The following SLPI variants were observed in gnomAD, a reference collection of about 807,000 sequenced individuals.
The protein encoded by SLPI is antileukoproteinase.
In SLPI, 20 loss-of-function variants were observed where a neutral mutation model predicts 14.3. That is an observed-to-expected ratio of 1.40 (90% CI 0.99 to 2.04). SLPI has a LOEUF of 2.04. Ranked by LOEUF, SLPI falls within the 30% of genes most tolerant of loss-of-function variation. The pLI is 0.00. For synonymous variants in SLPI, 68 were observed against 54.8 expected, an observed-to-expected ratio of 1.24 and a Z score of -1.07; for missense variants, 169 against 159.4, an observed-to-expected ratio of 1.06 and a Z score of -0.32.
intron 2 of SLPI, among the ~76,000 whole-genome samples, chr20:45,253,364 C>A (rs1984721848): frequency 6.6e-6 from 1 of 152,202 alleles, no homozygotes; most frequent in African/African-American, 2.4e-5. Flanking sequence ...GGTGGCCAGC[C>A]ACCCAGTGCT....
At chr20:45,252,908 G>A (rs1342847692) in intron 3 of SLPI, 94 bp downstream of exon 3, 7 of 1,360,842 alleles carry the variant, frequency 5.1e-6, no homozygotes, top group Non-Finnish European at 7.2e-6. Context: ...TTGGAGTAGG[G>A]TTCAGGAGTC....
At chr20:45,252,889 A>G in intron 3 of SLPI, 113 bp downstream of exon 3, 1 of 1,115,346 alleles carries the variant, frequency 9.0e-7, no homozygotes, top group Non-Finnish European at 1.3e-6. Flanking sequence ...AGTCAGACAG[A>G]GGCTGTGCTT....
At chr20:45,253,240 C>G in intron 2 of SLPI, 89 bp from the exon 3 acceptor site, 1 of 1,485,640 alleles carries the variant, frequency 6.7e-7, no homozygotes, top group Non-Finnish European at 9.1e-7. Flanking sequence ...CCTGCTCCAG[C>G]TTCAGCAGGG....
rs111623361 is a variant in SLPI at position 45,253,574 on chromosome 20, C to G, written c.244+1G>C. 2 of 1,613,234 alleles carry G rather than the reference C, an allele frequency of 1.2e-6. No homozygotes were observed. The highest frequency in any genetic ancestry group is 2.2e-5 in the South Asian group (2 of 90,900). ...TCTACCCAGTTCCCCGACCTGCTTA[C>G]TTGGGTTTGGGGTGTCAACAGGATC... On this transcript the variant is annotated splice_donor_variant, in intron 2 of 3. Coordinates refer to ENST00000338380, the MANE Select transcript of SLPI (RefSeq NM_003064.4). LOFTEE classifies it high-confidence loss of function.
intron 1 of SLPI, 24 bp downstream of exon 1, chr20:45,254,435 T>G: frequency 1.9e-6 from 3 of 1,608,488 alleles, no homozygotes; most frequent in Non-Finnish European, 2.6e-6. Context: ...CAGCCCAGAT[T>G]AGACCAGAGT....
At position 45,253,060 on chromosome 20, in the gene SLPI, C is replaced by T; in HGVS notation, c.336G>A (p.Lys112=). ...TGCCCATGCAACACTTCAAGTCACG[C>T]TTGCACTGGCCATCCATCTCACAGA... ...PNFCEMDGQC[K]RDLKCCMGMC... is the part of the protein sequence containing the mutation. The change falls in exon 3 of 4, where the codon AAG becomes AAA. Residue 112 remains lysine, a synonymous_variant. Transcript: ENST00000338380. 1 of 1,614,210 alleles carries T rather than the reference C, an allele frequency of 6.2e-7. No homozygotes were observed. The highest frequency in any genetic ancestry group is 1.1e-5 in the South Asian group (1 of 91,084).
At chr20:45,252,779 AC>A (rs1404770647) in intron 3 of SLPI, among the ~76,000 whole-genome samples, 2 of 152,002 alleles carry the variant, frequency 1.3e-5, no homozygotes, top group Non-Finnish European at 1.5e-5. Flanking sequence ...CTTGCCCAGG[AC>A]CCCCACCCAG....
At chr20:45,253,460 G>T in intron 2 of SLPI, 115 bp downstream of exon 2, 1 of 1,023,150 alleles carries the variant, frequency 9.8e-7, no homozygotes, top group Non-Finnish European at 1.4e-6. Context: ...TTAGGGCAGT[G>T]TGACTCACTG....
At chr20:45,252,578 C>G (rs576547237) in intron 3 of SLPI, among the ~76,000 whole-genome samples, 159 bp from the exon 4 acceptor site, 1 of 152,262 alleles carries the variant, frequency 6.6e-6, no homozygotes, top group South Asian at 2.1e-4. Flanking sequence ...TCATTTTCAC[C>G]GTAAAACTCT....
At position 45,252,312 on chromosome 20, in the gene SLPI, C is replaced by A. The variant is rs1017772985; in HGVS notation, c.*103G>T. 3.7e-5 allele frequency: 42 copies of A among 1,142,750 alleles called. No individual in the cohort carries two copies. Among genetic ancestry groups the A allele is most frequent in the Non-Finnish European group, 5.0e-5 (39 of 783,890 alleles). 70.8% of individuals were successfully genotyped at this position (1,142,750 alleles called of 1,614,324 possible). ...TCTTGAAAGCCTGCTGTGTGCCAAG[C>A]CTTTCCCCAAAGGAGGATATCAGTG... On this transcript the variant is annotated 3_prime_UTR_variant, in exon 4 of 4. Coordinates refer to ENST00000338380, the MANE Select transcript of SLPI (RefSeq NM_003064.4).
chr20:45,252,463 C>T (rs1984689276), intron 3 of SLPI, 44 bp from the exon 4 acceptor site: 1 of 1,609,164 alleles, frequency 6.2e-7, no homozygotes, highest in African/African-American at 1.3e-5. Flanking sequence ...AGAAACCAGC[C>T]AAATCATATC....
intron 3 of SLPI, 69 bp from the exon 4 acceptor site, chr20:45,252,488 T>C (rs1984690046): frequency 7.2e-6 from 11 of 1,530,074 alleles, no homozygotes; most frequent in Non-Finnish European, 9.9e-6. Flanking sequence ...TCCTTCCTCC[T>C]GCCCAAGGAT....
intron 2 of SLPI, among the ~76,000 whole-genome samples, 199 bp downstream of exon 2, chr20:45,253,376 A>G (rs1984722634): frequency 6.6e-6 from 1 of 152,120 alleles, no homozygotes; most frequent in South Asian, 2.1e-4. Context: ...CCCAGTGCTG[A>G]CTAGGTGGGA....
intron 2 of SLPI, 111 bp from the exon 3 acceptor site, chr20:45,253,262 C>A: frequency 1.6e-6 from 2 of 1,280,996 alleles, no homozygotes; most frequent in Non-Finnish European, 2.2e-6. Flanking sequence ...GGATCATCCC[C>A]TCCCCACCTC....
At chr20:45,253,818 G>A in intron 1 of SLPI, 85 bp from the exon 2 acceptor site, 2 of 1,287,340 alleles carry the variant, frequency 1.6e-6, no homozygotes, top group Admixed American at 2.0e-5. Flanking sequence ...CACTTTTGAG[G>A]GGGAGAGACC....
In SLPI at chr20:45,253,743, A is replaced by AGAGGCTTTT. The variant is rs1468566453; in HGVS notation, c.86-11_86-10insAAAAGCCTC. ...ACTCCAGCTTTGAAGGCTTTTGAAG[A>AGAGGCTTTT]GAAAGTCAAGAGGTCAGGAGGAGGC... On this transcript the variant is annotated splice_polypyrimidine_tract_variant and intron_variant, in intron 1 of 3. Coordinates refer to ENST00000338380, the MANE Select transcript of SLPI (RefSeq NM_003064.4). 16 of 1,612,592 alleles carry AGAGGCTTTT rather than the reference A, an allele frequency of 9.9e-6. No homozygotes were observed. Among genetic ancestry groups the AGAGGCTTTT allele is most frequent in the Non-Finnish European group, 1.4e-5 (16 of 1,179,156 alleles).
intron 3 of SLPI, 118 bp from the exon 4 acceptor site, chr20:45,252,537 T>A: frequency 9.7e-7 from 1 of 1,029,892 alleles, no homozygotes; most frequent in East Asian, 2.5e-5. Flanking sequence ...AGCGCTATAG[T>A]TGAGAGAGAC....
At chr20:45,253,486 G>T in intron 2 of SLPI, 89 bp downstream of exon 2, 1 of 1,261,788 alleles carries the variant, frequency 7.9e-7, no homozygotes, top group Non-Finnish European at 1.1e-6. Flanking sequence ...TTGACAAGGA[G>T]GCCTGGCAGG....
Position 45,254,484 on chromosome 20 carries a change from AG to A in SLPI, c.59del (p.Pro20LeufsTer72). On this transcript the variant is annotated frameshift_variant, in exon 1 of 4. Coordinates refer to ENST00000338380, the MANE Select transcript of SLPI (RefSeq NM_003064.4). LOFTEE classifies it high-confidence loss of function. ...ACTTTCCAGAGCCTTCCACAGCCCA[AG>A]GTGCCAGAGTTCCCAGGGCAAGCAG... ...LVLLALGTLA[P>X]WAVEGSGKSF... 1 of 1,614,166 alleles carries A rather than the reference AG, an allele frequency of 6.2e-7. No homozygotes were observed. Among genetic ancestry groups the A allele is most frequent in the South Asian group, 1.1e-5 (1 of 91,080 alleles).
Sources: gnomAD v4.1 joint callset for allele counts (sites outside exome capture counted in the v4.1 genomes callset) on GRCh38, gnomAD v4.1.1 for gene constraint, MANE v1.5 for transcripts, NCBI Gene and HGNC (gene_info 2026-07-23, HGNC 2026-07-21) for gene names.